CEP85L: variants seen among roughly 807,000 people sequenced by gnomAD.
CEP85L encodes the protein centrosomal protein of 85 kDa-like.
CEP85L carries 60 observed loss-of-function variants against 100.3 expected under a neutral mutation model. The observed-to-expected ratio is 0.60, with a 90% CI of 0.49 to 0.74. The LOEUF (loss-of-function observed/expected upper bound fraction) is 0.74, where lower values mean the gene tolerates loss of function less well. Ranked by LOEUF, CEP85L falls within the 30% of genes least tolerant of loss-of-function variation. CEP85L has a pLI of 0.00. For synonymous variants in CEP85L, 319 were observed against 322.7 expected (o/e 0.99, Z 0.12); for missense variants, 973 against 936.2 (o/e 1.04, Z -0.51).
At chr6:118,524,351 G>A (rs1776842704) in intron 3 of CEP85L, among the ~76,000 whole-genome samples, 1 of 152,168 alleles carries the variant, frequency 6.6e-6, no homozygotes, top group Non-Finnish European at 1.5e-5. Flanking sequence ...GGCTGAGGCA[G>A]AAGAATGGCG....
At position 118,521,887 on chromosome 6, in the gene CEP85L, A is replaced by C. The variant is rs561125897; in HGVS notation, c.1139+1915T>G. 2.0e-5 allele frequency among the ~76,000 whole-genome samples: 3 copies of C among 152,290 alleles called. No homozygotes were observed. In the East Asian group the frequency reaches 5.8e-4, roughly 29 times the overall value. ...TTGAATTATTCCTTAGTCTGATTCTACAATATATAAAATTGAGAAATATAT... is the reference window on the plus strand; with the variant it reads ...TTGAATTATTCCTTAGTCTGATTCTCCAATATATAAAATTGAGAAATATAT... On this transcript the variant is annotated intron_variant, in intron 4 of 12. Coordinates refer to ENST00000368491, the MANE Select transcript of CEP85L (RefSeq NM_001042475.3).
rs1779375010 is a variant in CEP85L at position 118,564,191 on chromosome 6, G to A, written c.1020+1338C>T. On this transcript the variant is annotated intron_variant, in intron 3 of 12. Coordinates refer to ENST00000368491, the MANE Select transcript of CEP85L (RefSeq NM_001042475.3). ...TTTAAACCAGAGATTTGTCCAAGCA[G>A]AATAAAAAGCATGAATCAGTATTTA... Among the ~76,000 whole-genome samples the A allele has an allele frequency of 3.9e-5, 6 of 152,088 alleles. 1 individual carries two copies. In the South Asian group the frequency reaches 1.2e-3, roughly 31 times the overall value.
chr6:118,571,533 A>T (rs1484844215), intron 2 of CEP85L, among the ~76,000 whole-genome samples: 1 of 152,144 alleles, frequency 6.6e-6, no homozygotes, highest in East Asian at 1.9e-4. Context: ...TGTTATTCTC[A>T]TCTGGTATTA....
intron 1 of CEP85L, 103 bp from the exon 2 acceptor site, chr6:118,632,714 G>C: frequency 1.2e-6 from 1 of 823,622 alleles, no homozygotes; most frequent in Non-Finnish European, 1.8e-6. Flanking sequence ...AGGTATAAAA[G>C]GTTCTTTTCT....
Position 118,533,180 on chromosome 6 carries a change from T to C in CEP85L, c.1021-9260A>G, listed in dbSNP as rs146577369. 1.2e-4 allele frequency among the ~76,000 whole-genome samples: 19 copies of C among 152,114 alleles called. 1 individual carries two copies. In the East Asian group the frequency reaches 3.3e-3, roughly 26 times the overall value. ...AAACAGAAAAAAACAGAAAAATCTA[T>C]TCAGAAAGATAAGCTAGTTCATTGA... On this transcript the variant is annotated intron_variant, in intron 3 of 12. Coordinates refer to ENST00000368491, the MANE Select transcript of CEP85L (RefSeq NM_001042475.3).
At chr6:118,494,404 T>C (rs953410272) in intron 5 of CEP85L, among the ~76,000 whole-genome samples, 1 of 152,132 alleles carries the variant, frequency 6.6e-6, no homozygotes, top group Non-Finnish European at 1.5e-5. Context: ...GAGAAACTAT[T>C]TTACCAGAGC....
intron 2 of CEP85L, among the ~76,000 whole-genome samples, chr6:118,592,311 C>T (rs1178947093): frequency 7.0e-6 from 1 of 142,864 alleles, no homozygotes; most frequent in East Asian, 2.2e-4. Context: ...ACCCTGAATA[C>T]ATTAACATCC....
chr6:118,640,109 T>A (rs1774763919), intron 1 of CEP85L, among the ~76,000 whole-genome samples: 1 of 152,088 alleles, frequency 6.6e-6, no homozygotes, highest in Non-Finnish European at 1.5e-5. Flanking sequence ...CACAAAAAAT[T>A]AGAACATTAA....
intron 1 of CEP85L, among the ~76,000 whole-genome samples, chr6:118,672,443 G>A (rs1033085144): frequency 2.0e-5 from 3 of 152,082 alleles, no homozygotes; most frequent in African/African-American, 7.2e-5. Flanking sequence ...ACGATATAAA[G>A]ATATTAATAA....
chr6:118,541,564 A>G (rs1179570018), intron 3 of CEP85L, among the ~76,000 whole-genome samples: 1 of 152,138 alleles, frequency 6.6e-6, no homozygotes, highest in Non-Finnish European at 1.5e-5. Flanking sequence ...TTCTAATTTT[A>G]CTCTACAAAC....
chr6:118,670,974 T>C (rs1042566089), intron 1 of CEP85L, among the ~76,000 whole-genome samples: 3 of 150,388 alleles, frequency 2.0e-5, no homozygotes, highest in African/African-American at 4.9e-5. Context: ...AAAAAAACAC[T>C]GTGTTTTTAG....
intron 3 of CEP85L, among the ~76,000 whole-genome samples, chr6:118,542,328 G>A (rs1777940109): frequency 1.3e-5 from 2 of 152,048 alleles, no homozygotes; most frequent in African/African-American, 2.4e-5. Flanking sequence ...TGAAGATAAG[G>A]ACTTTTTTTT....
intron 2 of CEP85L, among the ~76,000 whole-genome samples, chr6:118,583,396 A>G (rs1370350054): frequency 1.3e-5 from 2 of 152,028 alleles, no homozygotes; most frequent in East Asian, 1.9e-4. Flanking sequence ...CTCTAACCCA[A>G]TATTTTTCTC....
At chr6:118,634,355 T>A (rs1282046089) in intron 1 of CEP85L, among the ~76,000 whole-genome samples, 1 of 152,210 alleles carries the variant, frequency 6.6e-6, no homozygotes, top group African/African-American at 2.4e-5. Flanking sequence ...ACCTCTATCA[T>A]ACTAAGCTCA....
At chr6:118,549,703 C>T (rs907882438) in intron 3 of CEP85L, among the ~76,000 whole-genome samples, 1 of 151,720 alleles carries the variant, frequency 6.6e-6, no homozygotes, top group African/African-American at 2.4e-5. Context: ...GTGTAGGTGT[C>T]TTATGTTATT....
At chr6:118,626,560 C>T (rs1413188391) in intron 2 of CEP85L, among the ~76,000 whole-genome samples, 3 of 152,140 alleles carry the variant, frequency 2.0e-5, no homozygotes, top group African/African-American at 7.2e-5. Context: ...TTGTTTCTTG[C>T]TCCTGTAACA....
At chr6:118,588,466 T>G (rs1354087082) in intron 2 of CEP85L, among the ~76,000 whole-genome samples, 1 of 152,214 alleles carries the variant, frequency 6.6e-6, no homozygotes, top group Non-Finnish European at 1.5e-5. Context: ...GAGGTACCTG[T>G]GCACTTTTAA....
rs1225855373 is a variant in CEP85L at position 118,589,066 on chromosome 6, T to C, written c.233-22750A>G. The C allele has an allele frequency of 1.4e-5, 4 of 292,278 alleles. No homozygotes were observed. The East Asian group carries it at 3.9e-4, about 28-fold the overall frequency. 18.1% of individuals were successfully genotyped at this position (292,278 alleles called of 1,614,324 possible). ...GTCTCCGAGGTCAGACTGCTCCCAA[T>C]GCCATGAACGGAGACAGCACCTTTG... is the stretch of plus-strand genomic sequence containing the variant. On this transcript the variant is annotated intron_variant, in intron 2 of 12. Transcript: ENST00000368491.
At chr6:118,585,628 C>T (rs150169485) in intron 2 of CEP85L, among the ~76,000 whole-genome samples, 118 of 152,342 alleles carry the variant, frequency 7.7e-4, no homozygotes, top group African/African-American at 2.6e-3. Context: ...CTCCCCTTGA[C>T]GGCCTCCAGC....
Sources: gnomAD v4.1 joint callset for allele counts (sites outside exome capture counted in the v4.1 genomes callset) on GRCh38, gnomAD v4.1.1 for gene constraint, MANE v1.5 for transcripts, NCBI Gene and HGNC (gene_info 2026-07-23, HGNC 2026-07-21) for gene names.